AMD1: variants seen among roughly 807,000 people sequenced by gnomAD.
The protein encoded by AMD1 is adenosylmethionine decarboxylase 1.
In AMD1, 11 loss-of-function variants were observed where a neutral mutation model predicts 40.2. The ratio of observed to expected loss-of-function variants is 0.27; its 90% CI spans 0.17 to 0.45. The LOEUF (loss-of-function observed/expected upper bound fraction) is 0.45. AMD1 is among the 20% of genes least tolerant of loss of function. The probability of loss-of-function intolerance (pLI) is 1.00; values close to 1 mark genes in which losing one functional copy is unlikely to be tolerated. For missense variants in AMD1, 257 were observed against 410.2 expected (o/e 0.63, Z 3.23); for synonymous variants, 121 against 130.8 (o/e 0.93, Z 0.51).
intron 1 of AMD1, among the ~76,000 whole-genome samples, chr6:110,885,912 A>G (rs1373235619): frequency 6.6e-6 from 1 of 152,218 alleles, no homozygotes; most frequent in Admixed American, 6.5e-5. Context: ...ACAAACGAAT[A>G]AAAACATTTT....
At chr6:110,858,522 TG>T in the AMD1 span, 1 of 1,591,730 alleles carries the variant, frequency 6.3e-7, no homozygotes, top group Non-Finnish European at 8.6e-7. Flanking sequence ...ATCAAGGCCA[TG>T]GTCAGCTACG....
the AMD1 span, among the ~76,000 whole-genome samples, chr6:110,842,443 C>T: frequency 6.6e-6 from 1 of 152,170 alleles, no homozygotes; most frequent in Non-Finnish European, 1.5e-5. Context: ...TATAACACAA[C>T]CCTCTGCATA....
the AMD1 span, chr6:110,815,748 A>AG: frequency 6.6e-6 from 1 of 152,464 alleles, no homozygotes; most frequent in Admixed American, 6.5e-5. Flanking sequence ...TCTAGTGGGA[A>AG]GGGGATACTT....
At chr6:110,847,062 T>G in the AMD1 span, among the ~76,000 whole-genome samples, 483 of 123,616 alleles carry the variant, frequency 3.9e-3, 3 homozygotes, top group African/African-American at 0.014. Context: ...TGTGTGTGTG[T>G]GGTGTGTGTG....
the AMD1 span, among the ~76,000 whole-genome samples, chr6:110,830,125 C>T: frequency 1.3e-5 from 2 of 151,908 alleles, no homozygotes; most frequent in Admixed American, 1.3e-4. Context: ...AGTGATTCTC[C>T]TGCCTCAGCC....
At chr6:110,889,244 G>A in intron 3 of AMD1, 1 of 239,286 alleles carries the variant, frequency 4.2e-6, no homozygotes, top group Non-Finnish European at 8.0e-6. Context: ...TTCTTAACAT[G>A]GCTACTTATA....
chr6:110,876,789 A>G (rs903860427), intron 1 of AMD1, among the ~76,000 whole-genome samples: 1 of 147,110 alleles, frequency 6.8e-6, no homozygotes, highest in East Asian at 1.9e-4. Flanking sequence ...GATTGTGATC[A>G]GGATAATTAA....
chr6:110,886,030 G>A (rs1459660135), intron 1 of AMD1, among the ~76,000 whole-genome samples: 4 of 152,094 alleles, frequency 2.6e-5, no homozygotes, highest in Non-Finnish European at 5.9e-5. Flanking sequence ...CGAGGCAGGC[G>A]GATCACCTGA....
At position 110,895,587 on chromosome 6, in the gene AMD1, G is replaced by A. The variant is rs1786257472; in HGVS notation, c.*1971G>A. ...TCATAATCTAAATCATCGTATGATA[G>A]AAGAGGGAAAGTTTTGGTGCCATAA... On this transcript the variant is annotated 3_prime_UTR_variant, in exon 9 of 9. Coordinates refer to ENST00000368885, the MANE Select transcript of AMD1 (RefSeq NM_001634.6). 2.0e-5 allele frequency: 3 copies of A among 152,616 alleles called. No homozygotes were observed. The highest frequency in any genetic ancestry group is 7.2e-5 in the African/African-American group (3 of 41,442). 9.5% of individuals were successfully genotyped at this position (152,616 alleles called of 1,614,324 possible).
chr6:110,888,321 C>G (rs1026901008), intron 2 of AMD1: 3 of 151,148 alleles, frequency 2.0e-5, no homozygotes, highest in African/African-American at 7.3e-5. Context: ...CCCTCCCCCC[C>G]TTTTTTTTTC....
chr6:110,882,991 T>C (rs1280068574), intron 1 of AMD1, among the ~76,000 whole-genome samples: 10 of 152,050 alleles, frequency 6.6e-5, no homozygotes, highest in African/African-American at 2.4e-4. Flanking sequence ...GGTGTAGTGA[T>C]ACATGCCCTG....
At chr6:110,871,667 T>C (rs1333082826), upstream of AMD1, among the ~76,000 whole-genome samples, 1 of 152,154 alleles carries the variant, frequency 6.6e-6, no homozygotes, top group Non-Finnish European at 1.5e-5. Flanking sequence ...GTTTTTGTAA[T>C]TTGTTTTGCT....
chr6:110,880,211 C>T (rs1429105704), intron 1 of AMD1, among the ~76,000 whole-genome samples: 1 of 152,154 alleles, frequency 6.6e-6, no homozygotes, highest in African/African-American at 2.4e-5. Flanking sequence ...GCCATCGCCC[C>T]TGGTCCCTTT....
chr6:110,878,045 G>A (rs949301057), intron 1 of AMD1, among the ~76,000 whole-genome samples: 4 of 152,140 alleles, frequency 2.6e-5, no homozygotes, highest in African/African-American at 9.7e-5. Flanking sequence ...AAGAAATGGA[G>A]AACCCAAAAC....
chr6:110,887,685 T>TTTTTG (rs1785771287), intron 2 of AMD1, 94 bp downstream of exon 2: 3 of 954,850 alleles, frequency 3.1e-6, no homozygotes, highest in East Asian at 2.8e-5. Flanking sequence ...TCTGGGGGTT[T>TTTTTG]TTTTGTTTTG....
At chr6:110,853,131 C>CT in the AMD1 span, among the ~76,000 whole-genome samples, 23 of 147,686 alleles carry the variant, frequency 1.6e-4, no homozygotes, top group South Asian at 1.3e-3. Context: ...TTCTTTTTTT[C>CT]TTTTTTTTTG....
the AMD1 span, among the ~76,000 whole-genome samples, chr6:110,849,999 T>C: frequency 8.2e-4 from 122 of 149,134 alleles, no homozygotes; most frequent in Non-Finnish European, 1.4e-3. Context: ...AACTTTAGCC[T>C]GGTGACAGAG....
the AMD1 span, chr6:110,858,380 C>T: frequency 1.2e-6 from 1 of 829,780 alleles, no homozygotes; most frequent in South Asian, 1.3e-5. Context: ...CTCCATCGGC[C>T]CCGACTTCCA....
the AMD1 span, among the ~76,000 whole-genome samples, chr6:110,820,527 A>G: frequency 6.6e-6 from 1 of 151,750 alleles, no homozygotes; most frequent in African/African-American, 2.4e-5. Flanking sequence ...ATGAGCTACC[A>G]CACCCGGCTG....
Sources: allele counts gnomAD v4.1 joint callset (sites outside exome capture counted in the v4.1 genomes callset), GRCh38; gene constraint gnomAD v4.1.1; transcripts MANE v1.5; gene names NCBI Gene and HGNC (gene_info 2026-07-23, HGNC 2026-07-21).